Variants in PLCL1 observed in about 807,000 individuals in gnomAD.
PLCL1 encodes the protein inactive phospholipase C-like protein 1.
In PLCL1, 41 loss-of-function variants were observed where a neutral mutation model predicts 84.4. The ratio of observed to expected loss-of-function variants is 0.49; its 90% confidence interval spans 0.38 to 0.63. The LOEUF (loss-of-function observed/expected upper bound fraction) is 0.63. PLCL1 is among the 30% of genes least tolerant of loss of function. The pLI is 0.00. For missense variants in PLCL1, 1,206 were observed against 1,367.8 expected (o/e 0.88, Z 1.87); for synonymous variants, 490 against 488.3 (o/e 1.00, Z -0.05).
At chr2:197,836,466 A>AT (rs1389388549) in intron 1 of PLCL1, among the ~76,000 whole-genome samples, 3 of 150,846 alleles carry the variant, frequency 2.0e-5, no homozygotes, top group Non-Finnish European at 4.4e-5. Context: ...AAAAAAAAAA[A>AT]AAAAAAAAAA....
At chr2:198,136,936 A>G (rs1159607542) in intron 5 of PLCL1, among the ~76,000 whole-genome samples, 3 of 152,098 alleles carry the variant, frequency 2.0e-5, no homozygotes, top group Non-Finnish European at 4.4e-5. Flanking sequence ...ATGCTTCCAA[A>G]CCCTGTACCC....
At chr2:197,984,827 C>T (rs1351189308) in intron 1 of PLCL1, among the ~76,000 whole-genome samples, 1 of 152,072 alleles carries the variant, frequency 6.6e-6, no homozygotes, top group Non-Finnish European at 1.5e-5. Flanking sequence ...AATGTTATAG[C>T]CCTAATTGAA....
At chr2:197,960,991 T>C (rs572589275) in intron 1 of PLCL1, among the ~76,000 whole-genome samples, 269 of 152,220 alleles carry the variant, frequency 1.8e-3, no homozygotes, top group Admixed American at 2.2e-3. Context: ...ATTTTAGAAA[T>C]GTTCTGGAAT....
chr2:197,941,028 T>C (rs914087944), intron 1 of PLCL1, among the ~76,000 whole-genome samples: 8 of 150,494 alleles, frequency 5.3e-5, no homozygotes, highest in African/African-American at 1.5e-4. Flanking sequence ...AAAAAACTAA[T>C]AAGTAATCAT....
intron 5 of PLCL1, among the ~76,000 whole-genome samples, chr2:198,141,474 C>T (rs1248339963): frequency 9.6e-6 from 1 of 104,698 alleles, no homozygotes; most frequent in Non-Finnish European, 1.9e-5. Flanking sequence ...AAGAGTGTAA[C>T]ATCAAAAAAA....
intron 1 of PLCL1, among the ~76,000 whole-genome samples, chr2:198,015,988 G>A (rs760050814): frequency 9.9e-5 from 15 of 152,196 alleles, no homozygotes; most frequent in Middle Eastern, 3.4e-3. Context: ...GTATATGTTG[G>A]AAAACATTTT....
At chr2:197,934,207 G>A (rs1458219846) in intron 1 of PLCL1, among the ~76,000 whole-genome samples, 1 of 152,082 alleles carries the variant, frequency 6.6e-6, no homozygotes, top group East Asian at 1.9e-4. Flanking sequence ...TTTTTGTTAG[G>A]TACCTTCTAG....
intron 5 of PLCL1, among the ~76,000 whole-genome samples, chr2:198,119,554 C>A (rs945999174): frequency 2.6e-5 from 4 of 151,960 alleles, no homozygotes; most frequent in Admixed American, 6.6e-5. Flanking sequence ...CTCAGTCACC[C>A]ACCAGCTCCT....
intron 3 of PLCL1, among the ~76,000 whole-genome samples, chr2:198,097,677 T>C (rs1397231061): frequency 1.3e-5 from 2 of 152,196 alleles, no homozygotes; most frequent in African/African-American, 4.8e-5. Context: ...CTGAAGTAGA[T>C]TTTGTCACCA....
chr2:197,909,635 G>A (rs1041944323), intron 1 of PLCL1, among the ~76,000 whole-genome samples: 5 of 152,106 alleles, frequency 3.3e-5, no homozygotes, highest in African/African-American at 1.2e-4. Context: ...CTCTGAAGAT[G>A]GGATCTGTTT....
chr2:198,069,166 T>TC (rs1314294112), intron 1 of PLCL1, among the ~76,000 whole-genome samples: 1 of 152,000 alleles, frequency 6.6e-6, no homozygotes, highest in Non-Finnish European at 1.5e-5. Context: ...TGGCAGTTTT[T>TC]TTTTTTTTTT....
chr2:197,881,444 A>G (rs915106542), intron 1 of PLCL1, among the ~76,000 whole-genome samples: 8 of 151,980 alleles, frequency 5.3e-5, no homozygotes, highest in African/African-American at 1.4e-4. Flanking sequence ...TTAGGCATCT[A>G]GTTTGGACTA....
At chr2:198,134,337 C>G (rs1215497003) in intron 5 of PLCL1, among the ~76,000 whole-genome samples, 4 of 152,002 alleles carry the variant, frequency 2.6e-5, no homozygotes, top group Non-Finnish European at 5.9e-5. Context: ...GACCAAATCT[C>G]CAAACCAGTC....
chr2:198,040,499 C>T (rs1198998142), intron 1 of PLCL1, among the ~76,000 whole-genome samples: 2 of 152,090 alleles, frequency 1.3e-5, no homozygotes, highest in Non-Finnish European at 2.9e-5. Flanking sequence ...CAGAGAGGAA[C>T]CCAGCTGTCA....
At chr2:198,094,328 TGG>T (rs1693136540) in intron 3 of PLCL1, among the ~76,000 whole-genome samples, 1 of 152,222 alleles carries the variant, frequency 6.6e-6, no homozygotes, top group Admixed American at 6.5e-5. Flanking sequence ...CCCAAAGTGC[TGG>T]GATTACAGGT....
intron 1 of PLCL1, among the ~76,000 whole-genome samples, chr2:198,065,954 AT>A (rs1041460573): frequency 6.6e-6 from 1 of 152,188 alleles, no homozygotes; most frequent in East Asian, 1.9e-4. Flanking sequence ...CACTTTTATT[AT>A]ATAATATTAG....
At chr2:198,033,498 C>A (rs16826873) in intron 1 of PLCL1, among the ~76,000 whole-genome samples, 29,891 of 152,060 alleles carry the variant, frequency 0.2, 3,023 homozygotes, top group East Asian at 0.26. Context: ...TTTACCAGTA[C>A]CGTTTTCTCT....
chr2:197,879,342 A>G lies in PLCL1; in HGVS notation c.240+74003A>G, dbSNP rs564193218. 4.6e-5 allele frequency among the ~76,000 whole-genome samples: 7 copies of G among 152,324 alleles called. No homozygotes were observed. The South Asian group carries it at 6.2e-4, about 14-fold the overall frequency. On this transcript the variant is annotated intron_variant, in intron 1 of 5. Transcript: ENST00000428675. ...GGCTTGAAGTTGGCAAGGAGTGCAA[A>G]TAAAAGAGAACACAAATGCCTAAAA...
At chr2:197,962,265 C>A (rs988487840) in intron 1 of PLCL1, among the ~76,000 whole-genome samples, 7 of 152,016 alleles carry the variant, frequency 4.6e-5, no homozygotes, top group Admixed American at 1.3e-4. Context: ...TCACCACTTG[C>A]AGTTTGGGAC....
Sources: allele counts gnomAD v4.1 joint callset (sites outside exome capture counted in the v4.1 genomes callset), GRCh38; gene constraint gnomAD v4.1.1; transcripts MANE v1.5; gene names NCBI Gene and HGNC (gene_info 2026-07-23, HGNC 2026-07-21).